Variants in C11orf24 observed in about 807,000 individuals in gnomAD.
C11orf24 encodes uncharacterized protein C11orf24.
A neutral mutation model predicts 7.3 loss-of-function variants in C11orf24; 5 were observed. The ratio of observed to expected loss-of-function variants is 0.69; its 90% CI spans 0.36 to 1.45. The LOEUF is 1.45. Ranked by LOEUF, C11orf24 falls within the 40% of genes most tolerant of loss-of-function variation. C11orf24 has a pLI of 0.03. For missense variants in C11orf24, 566 were observed against 590.5 expected (o/e 0.96, Z 0.43); for synonymous variants, 233 against 235.7 (o/e 0.99, Z 0.11).
chr11:68,263,150 T>G (rs1476001986), intron 3 of C11orf24: 1 of 570,610 alleles, frequency 1.8e-6, no homozygotes, highest in Non-Finnish European at 3.1e-6. Context: ...TTGCCCTCTA[T>G]GAACCCCCTG....
chr11:68,267,120 T>G (rs1372537616), intron 2 of C11orf24: 2 of 152,276 alleles, frequency 1.3e-5, no homozygotes, highest in Admixed American at 1.3e-4. Context: ...GGCATGGTTG[T>G]GTCCCAATAA....
rs751469463 is a variant in C11orf24, at chr11:68,262,349, T to A, written c.646A>T (p.Thr216Ser). The A allele has an allele frequency of 1.9e-6, 3 of 1,614,002 alleles. No individual in the cohort carries two copies. In the African/African-American group the frequency reaches 4.0e-5, roughly 22 times the overall value. The change falls in exon 4 of 4, where the codon ACT becomes TCT. Residue 216 changes from threonine (T) to serine (S), a missense_variant. Thr to Ser is a moderately conservative substitution (Grantham distance 58). Transcript: ENST00000304271. Reference sequence around the variant, plus strand: ...CTTGTGTTTGCTGTGGTCGCTACAGTCTGAGCACGTGTGGCCAATGTGGCC... The same window carrying A: ...CTTGTGTTTGCTGTGGTCGCTACAGACTGAGCACGTGTGGCCAATGTGGCC... ...TLATLATRAQ[T>S]VATTANTSSP...
rs1257655957 is a variant in C11orf24, at chr11:68,261,517, A to T, written c.*128T>A. On this transcript the variant is annotated 3_prime_UTR_variant, in exon 4 of 4. Transcript: ENST00000304271. ...CATGGAATTAATCTGACAGCAATTAAATGTGTTTAAGCATCTGGCATATCT... is the reference window on the plus strand; with the variant it reads ...CATGGAATTAATCTGACAGCAATTATATGTGTTTAAGCATCTGGCATATCT... The T allele has an allele frequency of 5.6e-6, 4 of 717,210 alleles. No individual in the cohort carries two copies. The Admixed American group carries it at 1.1e-4, about 20-fold the overall frequency. The allele number at this position is 717,210 out of a possible 1,614,324, so 44.4% of individuals were successfully genotyped here.
At chr11:68,264,493 TCC>T (rs2098563618) in intron 2 of C11orf24, among the ~76,000 whole-genome samples, 2 of 72,696 alleles carry the variant, frequency 2.8e-5, no homozygotes, top group Non-Finnish European at 3.0e-5. Context: ...CACCCACCCA[TCC>T]ATCCACCCAC....
chr11:68,261,450 T>C lies in C11orf24; in HGVS notation c.*195A>G, dbSNP rs547224603. On this transcript the variant is annotated 3_prime_UTR_variant, in exon 4 of 4. Transcript: ENST00000304271. ...CAGCTGCTCCTGGGCACAGAATCAT[T>C]TACAAAAATAAATATGAAAAAAGCA... The C allele has an allele frequency of 1.7e-6, 1 of 580,642 alleles. No individual in the cohort carries two copies. Among genetic ancestry groups the C allele is most frequent in the African/African-American group, 1.9e-5 (1 of 53,718 alleles). The allele number at this position is 580,642 out of a possible 1,614,324, so 36.0% of individuals were successfully genotyped here. A position where few individuals can be genotyped will look rare whatever the true frequency, so the allele number is the denominator to read the frequency against.
Position 68,263,778 on chromosome 11 carries a change from A to C in C11orf24, c.-11T>G, listed in dbSNP as rs776555281. The C allele has an allele frequency of 2.2e-5, 35 of 1,611,198 alleles. No individual in the cohort carries two copies. The highest frequency in any genetic ancestry group is 1.3e-5 in the African/African-American group (1 of 74,916). On this transcript the variant is annotated 5_prime_UTR_variant, in exon 3 of 4. Coordinates refer to ENST00000304271, the MANE Select transcript of C11orf24 (RefSeq NM_022338.4). The stretch of plus-strand genomic sequence containing the variant: ...AAGAGCTGTCCACATCTTGTGGGTG[A>C]GCTGGGAGCAAGGCTGGGCGGTCCC...
chr11:68,268,645 T>A (rs962680421), intron 1 of C11orf24, among the ~76,000 whole-genome samples: 1 of 152,096 alleles, frequency 6.6e-6, no homozygotes, highest in African/African-American at 2.4e-5. Context: ...TGAGCCGAGA[T>A]TGAGCCACTG....
chr11:68,262,913 A>C lies in C11orf24; in HGVS notation c.82T>G (p.Phe28Val), dbSNP rs753765353. Residue 28 changes from phenylalanine to valine, a missense_variant, in exon 4 of 4, where the codon TTT (phenylalanine) becomes GTT (valine). By Grantham distance (50) the Phe-to-Val change is conservative. Coordinates refer to ENST00000304271, the MANE Select transcript of C11orf24 (RefSeq NM_022338.4). ...CCCTTCCACATTTTGTTAGGGACAAAGTTGCCTTAAAGTCAGAAAAAGGAG... is the reference window on the plus strand; with the variant it reads ...CCCTTCCACATTTTGTTAGGGACAACGTTGCCTTAAAGTCAGAAAAAGGAG... ...SHAASNDPRN[F>V]VPNKMWKGLV... 21 of 1,612,514 alleles carry C rather than the reference A, an allele frequency of 1.3e-5. No individual in the cohort carries two copies. In the East Asian group the frequency reaches 4.7e-4, roughly 36 times the overall value.
intron 1 of C11orf24, among the ~76,000 whole-genome samples, chr11:68,269,412 C>T (rs182110725): frequency 2.6e-4 from 40 of 152,304 alleles, no homozygotes; most frequent in African/African-American, 8.2e-4. Flanking sequence ...ATATTTAACG[C>T]GTACTCAGGA....
At chr11:68,268,820 A>G (rs2098566516) in intron 1 of C11orf24, among the ~76,000 whole-genome samples, 1 of 152,368 alleles carries the variant, frequency 6.6e-6, no homozygotes, top group East Asian at 1.9e-4. Flanking sequence ...CATTATTTAG[A>G]AAGAGTAAAA....
rs368245710 is a variant in C11orf24, at chr11:68,262,427, T to C, written c.568A>G (p.Thr190Ala). ...TTATGHPSLS[T>A]ALAQVPKSSA... ...CTCTTTGGCACTTGTGCGAGGGCTG[T>C]GCTGAGAGATGGATGCCCAGTGGCG... Residue 190 changes from threonine to alanine, a missense_variant, in exon 4 of 4, where the codon ACA (threonine) becomes GCA (alanine). Thr to Ala is a moderately conservative substitution (Grantham distance 58). Coordinates refer to ENST00000304271, the MANE Select transcript of C11orf24 (RefSeq NM_022338.4). 1.9e-6 allele frequency: 3 copies of C among 1,614,038 alleles called. No homozygotes were observed. The highest frequency in any genetic ancestry group is 2.5e-6 in the Non-Finnish European group (3 of 1,180,040).
chr11:68,266,357 T>C (rs1262117591), intron 2 of C11orf24, among the ~76,000 whole-genome samples: 2 of 152,168 alleles, frequency 1.3e-5, no homozygotes. Flanking sequence ...CTGTAATCCA[T>C]GTGGACTGTT....
chr11:68,265,626 C>T (rs2098564716), intron 2 of C11orf24, among the ~76,000 whole-genome samples: 1 of 152,088 alleles, frequency 6.6e-6, no homozygotes, highest in African/African-American at 2.4e-5. Context: ...CAGCTGGGAT[C>T]ACAGGCGCAT....
In C11orf24 at chr11:68,262,574, T is replaced by C; in HGVS notation, c.421A>G (p.Thr141Ala). The C allele has an allele frequency of 6.2e-7, 1 of 1,608,472 alleles. No individual in the cohort carries two copies. Among genetic ancestry groups the C allele is most frequent in the Non-Finnish European group, 8.5e-7 (1 of 1,175,942 alleles). Residue 141 changes from threonine (T) to alanine (A), a missense_variant, in exon 4 of 4, where the codon ACT (threonine) becomes GCT (alanine). Coordinates refer to ENST00000304271, the MANE Select transcript of C11orf24 (RefSeq NM_022338.4). ...SAPTTAASST[T>A]VASIAPTTAA... is the part of the protein sequence containing the mutation. ...GTCGTGGGAGCAATGGAGGCCACAG[T>C]TGTACTGGAGGCTGCAGTCGTGGGA...
At position 68,262,361 on chromosome 11, in the gene C11orf24, T is replaced by C. The variant is rs2098562274; in HGVS notation, c.634A>G (p.Thr212Ala). ...GTGGTCGCTACAGTCTGAGCACGTG[T>C]GGCCAATGTGGCCAGGGTTGCTGTT... Reference protein sequence around the residue: ...PRTATLATLATRAQTVATTAN... With the variant: ...PRTATLATLAARAQTVATTAN... Residue 212 changes from threonine to alanine, a missense_variant, in exon 4 of 4, where the codon ACA becomes GCA. Thr to Ala is a moderately conservative substitution (Grantham distance 58, BLOSUM62 0). Transcript: ENST00000304271. 1 of 1,614,038 alleles carries C rather than the reference T, an allele frequency of 6.2e-7. No individual in the cohort carries two copies. The highest frequency in any genetic ancestry group is 1.7e-5 in the Admixed American group (1 of 60,010).
intron 2 of C11orf24, among the ~76,000 whole-genome samples, chr11:68,266,871 G>T (rs1245196567): frequency 6.6e-6 from 1 of 152,172 alleles, no homozygotes; most frequent in Non-Finnish European, 1.5e-5. Flanking sequence ...AGTTAAAGGT[G>T]AGATGATGTG....
Position 68,261,553 on chromosome 11 carries a change from A to G in C11orf24, c.*92T>C, listed in dbSNP as rs1382888023. ...GCATCTGGCATATCTCCTCAATTGC[A>G]CCAAAAGAATTTGGAAGCACTTGGT... On this transcript the variant is annotated 3_prime_UTR_variant, in exon 4 of 4. Coordinates refer to ENST00000304271, the MANE Select transcript of C11orf24 (RefSeq NM_022338.4). 8.6e-7 allele frequency: 1 copy of G among 1,160,894 alleles called. No individual in the cohort carries two copies. Among genetic ancestry groups the G allele is most frequent in the Non-Finnish European group, 1.2e-6 (1 of 815,680 alleles). 71.9% of individuals were successfully genotyped at this position (1,160,894 alleles called of 1,614,324 possible).
At chr11:68,270,888 G>C (rs982902088) in intron 1 of C11orf24, among the ~76,000 whole-genome samples, 2 of 152,210 alleles carry the variant, frequency 1.3e-5, no homozygotes, top group Non-Finnish European at 2.9e-5. Flanking sequence ...TTATGGCTTT[G>C]TGTATATAGA....
At chr11:68,263,593 G>A in intron 3 of C11orf24, 99 bp downstream of exon 3, 1 of 1,132,784 alleles carries the variant, frequency 8.8e-7, no homozygotes, top group Non-Finnish European at 1.3e-6. Context: ...TGCGGTTCCT[G>A]ACGCGTTGGC....
Sources: gnomAD v4.1 joint callset for allele counts (sites outside exome capture counted in the v4.1 genomes callset) on GRCh38, gnomAD v4.1.1 for gene constraint, MANE v1.5 for transcripts, NCBI Gene and HGNC (gene_info 2026-07-23, HGNC 2026-07-21) for gene names.